ACOT13: variants seen among roughly 807,000 people sequenced by gnomAD.
ACOT13 encodes acyl-coenzyme A thioesterase 13.
In ACOT13, 10 loss-of-function variants were observed where a neutral mutation model predicts 11.8. That is an observed-to-expected ratio of 0.85 (90% CI 0.53 to 1.44). The LOEUF (loss-of-function observed/expected upper bound fraction) is 1.44. Among genes scored for constraint, ACOT13 ranks in the 40% most tolerant of loss-of-function variants. The pLI, the probability that ACOT13 is intolerant of heterozygous loss-of-function variation, is 0.00. For missense variants in ACOT13, 172 were observed against 174.1 expected (o/e 0.99, Z 0.07); for synonymous variants, 53 against 61.0 (o/e 0.87, Z 0.61).
intron 1 of ACOT13, among the ~76,000 whole-genome samples, chr6:24,672,173 T>C (rs1318832854): frequency 4.6e-5 from 7 of 152,194 alleles, no homozygotes; most frequent in Non-Finnish European, 1.0e-4. Flanking sequence ...AATAAATCAT[T>C]CATTTAACCA....
intron 2 of ACOT13, among the ~76,000 whole-genome samples, chr6:24,698,642 GTT>G (rs536209327): frequency 3.5e-5 from 5 of 141,860 alleles, no homozygotes; most frequent in Non-Finnish European, 3.1e-5. Flanking sequence ...CATTGCTGGG[GTT>G]TTTTTTTTTT....
chr6:24,671,618 AAAC>A (rs1173521780), intron 1 of ACOT13, among the ~76,000 whole-genome samples: 1 of 152,202 alleles, frequency 6.6e-6, no homozygotes, highest in Non-Finnish European at 1.5e-5. Context: ...TAATTTAAAA[AAAC>A]AAATTTAACA....
chr6:24,674,820 G>T (rs1182352456), intron 1 of ACOT13, among the ~76,000 whole-genome samples: 3 of 151,826 alleles, frequency 2.0e-5, no homozygotes, highest in Non-Finnish European at 4.4e-5. Flanking sequence ...CCATGTTGGT[G>T]TGCTGCACCC....
intron 2 of ACOT13, 118 bp downstream of exon 2, chr6:24,698,185 A>G: frequency 1.1e-6 from 1 of 898,564 alleles, no homozygotes; most frequent in Non-Finnish European, 1.6e-6. Context: ...TTATCTCCTT[A>G]ACTGCACCTA....
chr6:24,702,876 C>A lies in ACOT13; in HGVS notation c.*1261C>A, dbSNP rs371628628. On this transcript the variant is annotated 3_prime_UTR_variant, in exon 3 of 3. Transcript: ENST00000230048. Reference sequence around the variant, plus strand: ...TATAGTATTGAAAAGACCAAGTTCACTTCTCAGAAGTCTCCAAGTTCAGTT... The same window carrying A: ...TATAGTATTGAAAAGACCAAGTTCAATTCTCAGAAGTCTCCAAGTTCAGTT... 1 of 152,166 alleles carries A rather than the reference C, an allele frequency of 6.6e-6. No homozygotes were observed. The highest frequency in any genetic ancestry group is 1.5e-5 in the Non-Finnish European group (1 of 68,040). 9.4% of individuals were successfully genotyped at this position (152,166 alleles called of 1,614,324 possible). A position where few individuals can be genotyped will look rare whatever the true frequency, so the allele number is the denominator to read the frequency against.
At chr6:24,667,708 G>T (rs561015142) in intron 1 of ACOT13, among the ~76,000 whole-genome samples, 2 of 152,314 alleles carry the variant, frequency 1.3e-5, no homozygotes, top group East Asian at 3.9e-4. Flanking sequence ...GGCTCTAGAA[G>T]ATTAGAAGAT....
chr6:24,693,356 C>G lies in ACOT13; in HGVS notation c.82-4527C>G, dbSNP rs573718878. 2.6e-5 allele frequency among the ~76,000 whole-genome samples: 4 copies of G among 152,354 alleles called. No homozygotes were observed. In the South Asian group the frequency reaches 8.3e-4, roughly 32 times the overall value. ...ACACCCTTACTGAGCCAGAGACATA[C>G]ATTCCTTTATCTGTTTAGCAGAGGC... On this transcript the variant is annotated intron_variant, in intron 1 of 2. Coordinates refer to ENST00000230048, the MANE Select transcript of ACOT13 (RefSeq NM_018473.4).
intron 1 of ACOT13, among the ~76,000 whole-genome samples, chr6:24,675,542 C>A (rs2127622281): frequency 6.6e-6 from 1 of 152,294 alleles, no homozygotes; most frequent in Middle Eastern, 3.4e-3. Flanking sequence ...TGAGAAGTGT[C>A]TGTTCATATC....
rs1778914376 is a variant in ACOT13, at chr6:24,702,768, T to A, written c.*1153T>A. 6.6e-6 allele frequency: 1 copy of A among 152,170 alleles called. No individual in the cohort carries two copies. Among genetic ancestry groups the A allele is most frequent in the South Asian group, 2.1e-4 (1 of 4,824 alleles). The allele number at this position is 152,170 out of a possible 1,614,324, so 9.4% of individuals were successfully genotyped here. A position where few individuals can be genotyped will look rare whatever the true frequency, so the allele number is the denominator to read the frequency against. On this transcript the variant is annotated 3_prime_UTR_variant, in exon 3 of 3. Transcript: ENST00000230048. ...GTTAGTGTTACAGGAAATGGTCCAA[T>A]AGAGGGGGAAGAAAAAAAGCATGCT...
chr6:24,686,783 C>T (rs1778638388), intron 1 of ACOT13, among the ~76,000 whole-genome samples: 1 of 152,096 alleles, frequency 6.6e-6, no homozygotes. Context: ...TCACTGCAGC[C>T]TCAACCTCCT....
chr6:24,671,819 A>G (rs1394065055), intron 1 of ACOT13, among the ~76,000 whole-genome samples: 3 of 152,208 alleles, frequency 2.0e-5, no homozygotes, highest in Non-Finnish European at 4.4e-5. Flanking sequence ...GTAGCACACA[A>G]TAATTTTAAC....
At position 24,697,877 on chromosome 6, in the gene ACOT13, A is replaced by C; in HGVS notation, c.82-6A>C. The stretch of plus-strand genomic sequence containing the variant: ...TAATGTTCAGGATTCTTTTTTTTAC[A>C]CTTAGATTACTCTTGTCTCTGCTGC... On this transcript the variant is annotated splice_polypyrimidine_tract_variant and splice_region_variant and intron_variant, in intron 1 of 2. Transcript: ENST00000230048. 6.3e-7 allele frequency: 1 copy of C among 1,584,090 alleles called. No homozygotes were observed. Among genetic ancestry groups the C allele is most frequent in the South Asian group, 1.2e-5 (1 of 85,966 alleles).
chr6:24,668,305 G>A (rs549978239), intron 1 of ACOT13, among the ~76,000 whole-genome samples: 2 of 151,884 alleles, frequency 1.3e-5, no homozygotes, highest in African/African-American at 2.4e-5. Flanking sequence ...TGCAACCTCC[G>A]CCTCCTGGGT....
chr6:24,680,259 C>G (rs1778526237), intron 1 of ACOT13, among the ~76,000 whole-genome samples: 2 of 152,152 alleles, frequency 1.3e-5, no homozygotes, highest in Admixed American at 6.5e-5. Flanking sequence ...ATACTTCCCT[C>G]AAGAGGCCAG....
chr6:24,682,773 G>T (rs1307657236), intron 1 of ACOT13, among the ~76,000 whole-genome samples: 1 of 152,168 alleles, frequency 6.6e-6, no homozygotes, highest in Non-Finnish European at 1.5e-5. Flanking sequence ...GACCAGAAGA[G>T]TGCAGTTACA....
chr6:24,668,082 A>G (rs952425081), intron 1 of ACOT13, among the ~76,000 whole-genome samples: 2 of 150,940 alleles, frequency 1.3e-5, no homozygotes, highest in East Asian at 2.0e-4. Flanking sequence ...CTAATATTGT[A>G]CTTTTAGTAG....
In ACOT13 at chr6:24,667,348, TG is replaced by T; in HGVS notation, c.81+7del. 1 of 1,613,692 alleles carries T rather than the reference TG, an allele frequency of 6.2e-7. No individual in the cohort carries two copies. Among genetic ancestry groups the T allele is most frequent in the Non-Finnish European group, 8.5e-7 (1 of 1,179,864 alleles). ...TTTTGAGAGAGTTTTGGGAAAGGTA[TG>T]GGAAAGGTAGGGGAGAAGCCGTGGC... On this transcript the variant is annotated splice_donor_5th_base_variant and intron_variant, in intron 1 of 2. Transcript: ENST00000230048.
At chr6:24,700,864 T>G (rs1439048495) in intron 2 of ACOT13, 2 of 152,308 alleles carry the variant, frequency 1.3e-5, no homozygotes, top group East Asian at 1.9e-4. Context: ...GTAAGGAAAT[T>G]ATTTCCCTTT....
intron 1 of ACOT13, among the ~76,000 whole-genome samples, chr6:24,690,270 C>T (rs140998181): frequency 1.3e-5 from 2 of 152,266 alleles, no homozygotes; most frequent in Admixed American, 6.5e-5. Context: ...ACACAATTTG[C>T]GCTTTCCCTC....
Sources: allele counts gnomAD v4.1 joint callset (sites outside exome capture counted in the v4.1 genomes callset), GRCh38; gene constraint gnomAD v4.1.1; transcripts MANE v1.5; gene names NCBI Gene and HGNC (gene_info 2026-07-23, HGNC 2026-07-21).